The following MEI4 variants were observed in gnomAD, a reference collection of about 807,000 sequenced individuals.
MEI4 encodes the protein meiotic double-stranded break formation protein 4.
Under a neutral mutation model 31.4 loss-of-function variants are expected in MEI4, and 27 were observed. The observed-to-expected ratio is 0.86, with a 90% confidence interval of 0.63 to 1.19. The LOEUF (loss-of-function observed/expected upper bound fraction) is 1.19. Among genes scored for constraint, MEI4 ranks in the 50% most tolerant of loss-of-function variants. The pLI, the probability that MEI4 is intolerant of heterozygous loss-of-function variation, is 0.00. For synonymous variants in MEI4, 122 were observed against 145.4 expected (o/e 0.84, Z 1.16); for missense variants, 329 against 398.9 (o/e 0.82, Z 1.49).
chr6:77,923,074 G>GTTGT lies in MEI4; in HGVS notation c.901-12_901-9dup, dbSNP rs1161933316. On this transcript the variant is annotated splice_polypyrimidine_tract_variant and intron_variant, in intron 4 of 4. Coordinates refer to ENST00000684080, the MANE Select transcript of MEI4 (RefSeq NM_001322247.2). ...TATACCCAATTTTTTAAAGGAGTTT[G>GTTGT]TTGTTTATTTGTAGGAGCAAGCCAG... 3.3e-6 allele frequency: 4 copies of GTTGT among 1,228,300 alleles called. No individual in the cohort carries two copies. Among genetic ancestry groups the GTTGT allele is most frequent in the South Asian group, 4.1e-5 (1 of 24,282 alleles). 76.1% of individuals were successfully genotyped at this position (1,228,300 alleles called of 1,614,324 possible). A position where few individuals can be genotyped will look rare whatever the true frequency, so the allele number is the denominator to read the frequency against.
intron 4 of MEI4, among the ~76,000 whole-genome samples, chr6:77,903,305 T>A (rs1181811649): frequency 1.3e-5 from 2 of 152,106 alleles, no homozygotes; most frequent in East Asian, 3.9e-4. Flanking sequence ...ATACAACCAT[T>A]CTATTTTTCA....
At chr6:77,716,883 T>C (rs1766592856) in intron 2 of MEI4, 1 of 982,280 alleles carries the variant, frequency 1.0e-6, no homozygotes. Context: ...ATGATGACTG[T>C]CCATTTAAGT....
At chr6:77,742,284 T>C (rs1017945095) in intron 2 of MEI4, among the ~76,000 whole-genome samples, 2 of 151,652 alleles carry the variant, frequency 1.3e-5, no homozygotes, top group African/African-American at 2.4e-5. Flanking sequence ...CAGCACCTGT[T>C]GTTTCCTGAC....
chr6:77,889,836 G>A (rs73464914), intron 4 of MEI4, among the ~76,000 whole-genome samples: 7,315 of 152,286 alleles, frequency 0.048, 439 homozygotes, highest in African/African-American at 0.14. Context: ...CTCTAGCTGC[G>A]GCTAAAAGGG....
chr6:77,871,638 T>TCAGCAC (rs558992167), intron 4 of MEI4, among the ~76,000 whole-genome samples: 160 of 152,204 alleles, frequency 1.1e-3, no homozygotes, highest in Non-Finnish European at 1.9e-3. Flanking sequence ...ACTCCAAACC[T>TCAGCAC]CAGCACCAGG....
Position 77,705,125 on chromosome 6 carries a change from T to A in MEI4, c.232+14222T>A, listed in dbSNP as rs186293847. ...AATATGTAGATAAACATAATAGGGA[T>A]CTAACAATTGGGTGTTGTTGATTCT... On this transcript the variant is annotated intron_variant, in intron 2 of 4. Coordinates refer to ENST00000684080, the MANE Select transcript of MEI4 (RefSeq NM_001322247.2). Among the ~76,000 whole-genome samples, 1,055 of 152,292 alleles carry A rather than the reference T, an allele frequency of 6.9e-3. 5 individuals carry two copies. The highest frequency in any genetic ancestry group is 0.012 in the Non-Finnish European group (792 of 68,032).
At chr6:77,911,132 C>A (rs76434068) in intron 4 of MEI4, among the ~76,000 whole-genome samples, 2,648 of 151,944 alleles carry the variant, frequency 0.017, 79 homozygotes, top group African/African-American at 0.06. Context: ...TTTATTGTTG[C>A]ATTGCTTGAG....
At chr6:77,653,815 T>C (rs530903969) in intron 1 of MEI4, among the ~76,000 whole-genome samples, 2 of 152,282 alleles carry the variant, frequency 1.3e-5, no homozygotes, top group Admixed American at 6.5e-5. Context: ...ATAAATATTA[T>C]AGTGGTAGAA....
intron 3 of MEI4, among the ~76,000 whole-genome samples, chr6:77,792,354 C>T (rs551607500): frequency 5.9e-5 from 9 of 152,106 alleles, no homozygotes; most frequent in Admixed American, 2.6e-4. Context: ...TGTAGTTTTT[C>T]GGGGGAACTT....
At chr6:77,663,218 T>C (rs1768546724) in intron 1 of MEI4, among the ~76,000 whole-genome samples, 1 of 152,158 alleles carries the variant, frequency 6.6e-6, no homozygotes, top group Non-Finnish European at 1.5e-5. Context: ...AAGGAGAGTT[T>C]ATAGGCTTTA....
intron 3 of MEI4, among the ~76,000 whole-genome samples, chr6:77,767,070 C>A (rs1372457724): frequency 6.6e-6 from 1 of 152,044 alleles, no homozygotes; most frequent in African/African-American, 2.4e-5. Context: ...TTCATCCTTG[C>A]TTATAGCTGT....
At chr6:77,802,853 A>G (rs931202039) in intron 3 of MEI4, among the ~76,000 whole-genome samples, 1 of 152,324 alleles carries the variant, frequency 6.6e-6, no homozygotes, top group South Asian at 2.1e-4. Context: ...TGTTAGTCTG[A>G]TGGGCTTCCT....
At chr6:77,669,180 G>A (rs980834390) in intron 1 of MEI4, among the ~76,000 whole-genome samples, 3 of 151,840 alleles carry the variant, frequency 2.0e-5, no homozygotes, top group African/African-American at 7.3e-5. Flanking sequence ...AATATTCATT[G>A]GCTTTCTAGT....
chr6:77,861,851 T>C (rs994782104), intron 4 of MEI4, among the ~76,000 whole-genome samples: 3 of 152,184 alleles, frequency 2.0e-5, no homozygotes, highest in Non-Finnish European at 4.4e-5. Context: ...TGATAGTTCT[T>C]GTATTGTTGT....
intron 2 of MEI4, among the ~76,000 whole-genome samples, chr6:77,755,393 G>A (rs911316640): frequency 1.4e-4 from 22 of 151,942 alleles, no homozygotes; most frequent in African/African-American, 4.8e-4. Context: ...GAATATTGTA[G>A]ATGAACTCTG....
chr6:77,862,641 C>T (rs183952132), intron 4 of MEI4, among the ~76,000 whole-genome samples: 3 of 152,312 alleles, frequency 2.0e-5, no homozygotes, highest in East Asian at 3.9e-4. Context: ...TAGACTCCAC[C>T]TCTGGGGGCA....
chr6:77,777,515 G>T lies in MEI4; in HGVS notation c.768+15850G>T, dbSNP rs1283830867. On this transcript the variant is annotated intron_variant, in intron 3 of 4. Coordinates refer to ENST00000684080, the MANE Select transcript of MEI4 (RefSeq NM_001322247.2). ...ATTTTTTCATTGGAAATAAAAAGTAGAATAAAATTGACCATCCCAAGAGGA... is the reference window on the plus strand; with the variant it reads ...ATTTTTTCATTGGAAATAAAAAGTATAATAAAATTGACCATCCCAAGAGGA... Among the ~76,000 whole-genome samples the T allele has an allele frequency of 2.0e-5, 3 of 152,096 alleles. No individual in the cohort carries two copies. In the East Asian group the frequency reaches 5.8e-4, roughly 29 times the overall value.
rs143717556 is a variant in MEI4 at position 77,843,664 on chromosome 6, A to G, written c.900+14602A>G. ...GGATGATAATCACTAAAAGCCATAA[A>G]TCATGATATACTTGTGTTGTAATGG... On this transcript the variant is annotated intron_variant, in intron 4 of 4. Coordinates refer to ENST00000684080, the MANE Select transcript of MEI4 (RefSeq NM_001322247.2). 4.2e-3 allele frequency among the ~76,000 whole-genome samples: 632 copies of G among 152,194 alleles called. 5 individuals carry two copies. The highest frequency in any genetic ancestry group is 0.031 in the Middle Eastern group (9 of 294).
chr6:77,737,436 T>C (rs1767281797), intron 2 of MEI4, among the ~76,000 whole-genome samples: 1 of 151,940 alleles, frequency 6.6e-6, no homozygotes, highest in African/African-American at 2.4e-5. Context: ...CAATAAAGGC[T>C]CGGGATATAG....
Sources: allele counts gnomAD v4.1 joint callset (sites outside exome capture counted in the v4.1 genomes callset), GRCh38; gene constraint gnomAD v4.1.1; transcripts MANE v1.5; gene names NCBI Gene and HGNC (gene_info 2026-07-23, HGNC 2026-07-21).